The following HIGD1C variants were observed in gnomAD, a reference collection of about 807,000 sequenced individuals.
HIGD1C encodes the protein HIG1 domain family member 1C.
A neutral mutation model predicts 13.1 loss-of-function variants in HIGD1C; 11 were observed. The ratio of observed to expected loss-of-function variants is 0.84; its 90% confidence interval spans 0.53 to 1.39. The LOEUF is 1.39. HIGD1C is among the 40% of genes most tolerant of loss of function. The pLI is 0.00. For synonymous variants in HIGD1C, 36 were observed against 37.7 expected (o/e 0.95, Z 0.17); for missense variants, 110 against 112.0 (o/e 0.98, Z 0.08).
intron 2 of HIGD1C, among the ~76,000 whole-genome samples, chr12:50,963,802 G>A (rs1592264633): frequency 6.6e-6 from 1 of 152,160 alleles, no homozygotes; most frequent in Non-Finnish European, 1.5e-5. Context: ...AAAAGGAAAG[G>A]AATTCTGGAA....
downstream of HIGD1C, among the ~76,000 whole-genome samples, chr12:50,972,536 C>G (rs982783617): frequency 6.6e-6 from 1 of 152,208 alleles, no homozygotes; most frequent in Non-Finnish European, 1.5e-5. Flanking sequence ...CGAATAGGAA[C>G]AGCTCCAGTC....
rs533134928 is a variant in HIGD1C at position 50,964,120 on chromosome 12, T to C, written c.229+3018T>C. ...TCCTATTAACACTTCTTATGTTAGA[T>C]GATAGGTAAATGGACGTGGGGAATA... On this transcript the variant is annotated intron_variant, in intron 2 of 2. Transcript: ENST00000398455. Among the ~76,000 whole-genome samples, 366 of 151,618 alleles carry C rather than the reference T, an allele frequency of 2.4e-3. 1 individual carries two copies. The highest frequency in any genetic ancestry group is 8.5e-3 in the African/African-American group (351 of 41,374).
the HIGD1C span, among the ~76,000 whole-genome samples, chr12:50,939,578 C>A: frequency 2.6e-5 from 4 of 152,164 alleles, no homozygotes; most frequent in South Asian, 8.3e-4. Flanking sequence ...CTTTTACCTG[C>A]TTTGTGGTGC....
upstream of HIGD1C, among the ~76,000 whole-genome samples, chr12:50,953,008 T>C (rs1302323543): frequency 6.6e-6 from 1 of 152,138 alleles, no homozygotes; most frequent in Non-Finnish European, 1.5e-5. Context: ...TTTTTCTTAA[T>C]GTTGGCTTCA....
the HIGD1C span, among the ~76,000 whole-genome samples, chr12:50,945,652 T>C: frequency 6.6e-6 from 1 of 152,182 alleles, no homozygotes; most frequent in Non-Finnish European, 1.5e-5. Flanking sequence ...ATGGCCATAC[T>C]GCCCAAGGTA....
chr12:50,960,685 C>T (rs1290416006), intron 1 of HIGD1C, among the ~76,000 whole-genome samples: 1 of 144,558 alleles, frequency 6.9e-6, no homozygotes, highest in African/African-American at 2.5e-5. Flanking sequence ...TTAACCCATA[C>T]ATTTTTTTTT....
chr12:50,946,724 T>C, the HIGD1C span, among the ~76,000 whole-genome samples: 2 of 152,194 alleles, frequency 1.3e-5, no homozygotes, highest in Non-Finnish European at 1.5e-5. Context: ...AGCCATCCCA[T>C]TACTGGGTAT....
At chr12:50,961,019 A>G in exon 2 of HIGD1C, 1 of 1,611,694 alleles carries the variant, frequency 6.2e-7, no homozygotes, top group African/African-American at 1.3e-5. Flanking sequence ...AAGCTAAAGT[A>G]CAGAAGAGAT....
upstream of HIGD1C, chr12:50,953,787 AT>A (rs760032710): frequency 1.6e-5 from 8 of 506,254 alleles, no homozygotes; most frequent in South Asian, 2.5e-5. Flanking sequence ...TCCTCTATGT[AT>A]TTTTTTCTTA....
At chr12:50,959,632 T>C (rs984872089) in intron 1 of HIGD1C, among the ~76,000 whole-genome samples, 4 of 151,626 alleles carry the variant, frequency 2.6e-5, no homozygotes, top group South Asian at 2.1e-4. Context: ...GGTTTATTTT[T>C]GTCGTTGTTG....
chr12:50,961,910 C>G (rs1016695956), intron 2 of HIGD1C, among the ~76,000 whole-genome samples: 2 of 152,090 alleles, frequency 1.3e-5, no homozygotes, highest in East Asian at 1.9e-4. Flanking sequence ...ATACAGGAAG[C>G]CTTACTACAA....
the HIGD1C span, among the ~76,000 whole-genome samples, chr12:50,936,159 CAAA>C: frequency 2.3e-5 from 3 of 129,274 alleles, no homozygotes; most frequent in Non-Finnish European, 1.7e-5. Context: ...AACACCGTCT[CAAA>C]AAAAAAAAAA....
chr12:50,956,795 C>A (rs962227457), intron 1 of HIGD1C, among the ~76,000 whole-genome samples: 3 of 152,096 alleles, frequency 2.0e-5, no homozygotes, highest in Non-Finnish European at 4.4e-5. Flanking sequence ...ATCTTTGTGT[C>A]ATTTTCTTGA....
At chr12:50,961,220 G>A in intron 2 of HIGD1C, 118 bp downstream of exon 4, 1 of 1,054,514 alleles carries the variant, frequency 9.5e-7, no homozygotes, top group South Asian at 1.7e-5. Flanking sequence ...GAGAGGGGTA[G>A]GAAAGACTGA....
chr12:50,931,839 A>ACAGGTGTG, the HIGD1C span: 1 of 151,918 alleles, frequency 6.6e-6, no homozygotes. Flanking sequence ...TGTTGGGATT[A>ACAGGTGTG]CAGGTGTGAG....
intron 2 of HIGD1C, among the ~76,000 whole-genome samples, chr12:50,962,232 TACAC>T (rs34526248): frequency 4.8e-5 from 7 of 146,244 alleles, no homozygotes; most frequent in South Asian, 2.2e-4. Context: ...CTAAAAAAAT[TACAC>T]ACACACACAC....
chr12:50,943,573 G>C, the HIGD1C span, among the ~76,000 whole-genome samples: 1 of 152,088 alleles, frequency 6.6e-6, no homozygotes, highest in Non-Finnish European at 1.5e-5. Context: ...AGCCAGGTGA[G>C]GTGGCGGGCA....
the HIGD1C span, among the ~76,000 whole-genome samples, chr12:50,940,755 AAC>A: frequency 2.6e-5 from 4 of 152,058 alleles, no homozygotes; most frequent in Non-Finnish European, 4.4e-5. Context: ...TATTAAAATA[AAC>A]AGATGTACAT....
intron 2 of HIGD1C, among the ~76,000 whole-genome samples, chr12:50,966,586 CT>C: frequency 6.6e-6 from 1 of 152,294 alleles, no homozygotes; most frequent in Admixed American, 6.5e-5. Context: ...AAAACTGCCC[CT>C]GGTTGAGAAC....
Sources: allele counts gnomAD v4.1 joint callset (sites outside exome capture counted in the v4.1 genomes callset), GRCh38; gene constraint gnomAD v4.1.1; transcripts MANE v1.5; gene names NCBI Gene and HGNC (gene_info 2026-07-23, HGNC 2026-07-21).